Variants in SLC22A2 observed in about 807,000 individuals in gnomAD.
SLC22A2 encodes solute carrier family 22 member 2, also known as organic cation transporter 2.
In SLC22A2, 46 loss-of-function variants were observed where a neutral mutation model predicts 60.5. That is an observed-to-expected ratio of 0.76 (90% confidence interval 0.60 to 0.97). The LOEUF is 0.97. Ranked by LOEUF, SLC22A2 falls within the 50% of genes least tolerant of loss-of-function variation. SLC22A2 has a pLI of 0.00. For missense variants in SLC22A2, 701 were observed against 706.6 expected, an observed-to-expected ratio of 0.99 and a Z score of 0.09; for synonymous variants, 303 against 267.0, an observed-to-expected ratio of 1.13 and a Z score of -1.31.
At chr6:160,230,802 C>T (rs1370121348) in intron 9 of SLC22A2, among the ~76,000 whole-genome samples, 1 of 111,242 alleles carries the variant, frequency 9.0e-6, no homozygotes, top group East Asian at 2.8e-4. Context: ...CCAAGGAATG[C>T]CTGCAGCCTG....
chr6:160,238,170 TC>T (rs2114860561), intron 9 of SLC22A2, among the ~76,000 whole-genome samples: 1 of 152,338 alleles, frequency 6.6e-6, no homozygotes, highest in South Asian at 2.1e-4. Context: ...TTGTGTGAGA[TC>T]CAAGAACCCT....
rs192053234 is a variant in SLC22A2, at chr6:160,222,541, C to T, written c.1601+2164G>A. 4.6e-5 allele frequency among the ~76,000 whole-genome samples: 7 copies of T among 152,308 alleles called. No individual in the cohort carries two copies. In the East Asian group the frequency reaches 5.8e-4, roughly 13 times the overall value. On this transcript the variant is annotated intron_variant, in intron 10 of 10. Transcript: ENST00000366953. ...GTAAGCTCCTGCTCTGTGTATGCCA[C>T]GCACTGTGCTGAGTTCCAGTGATAC...
At chr6:160,238,621 A>G (rs1335834604) in intron 9 of SLC22A2, among the ~76,000 whole-genome samples, 1 of 152,184 alleles carries the variant, frequency 6.6e-6, no homozygotes, top group Admixed American at 6.5e-5. Flanking sequence ...CAATTAGCAC[A>G]CCATTATTGT....
In SLC22A2 at chr6:160,250,673, G is replaced by A; in HGVS notation, c.548C>T (p.Thr183Ile). The change falls in exon 3 of 11, where the codon ACA becomes ATA. Residue 183 changes from threonine to isoleucine, a missense_variant. Thr to Ile is a moderately conservative substitution (Grantham distance 89, BLOSUM62 -1). Coordinates refer to ENST00000366953, the MANE Select transcript of SLC22A2 (RefSeq NM_003058.4). ...RFGRKLCLLTTVLINAAAGVL... is the reference protein window; with the variant it reads ...RFGRKLCLLTIVLINAAAGVL... ...TCCAGCTGCAGCATTTATGAGGACT[G>A]TAGTTAGGAGGCAGAGCTTACGGCC... is the stretch of plus-strand genomic sequence containing the variant. 6.2e-7 allele frequency: 1 copy of A among 1,614,080 alleles called. No individual in the cohort carries two copies. The highest frequency in any genetic ancestry group is 8.5e-7 in the Non-Finnish European group (1 of 1,179,934).
At chr6:160,242,620 A>ACAT (rs1562435590) in intron 7 of SLC22A2, among the ~76,000 whole-genome samples, 1 of 151,452 alleles carries the variant, frequency 6.6e-6, no homozygotes, top group Non-Finnish European at 1.5e-5. Context: ...TAAAAAAGAT[A>ACAT]TTTTTTTTAG....
chr6:160,251,510 G>A (rs1009418537), intron 2 of SLC22A2, among the ~76,000 whole-genome samples: 1 of 152,100 alleles, frequency 6.6e-6, no homozygotes, highest in Non-Finnish European at 1.5e-5. Flanking sequence ...GCCTGCCTCC[G>A]ACCCCTTCCT....
Position 160,258,683 on chromosome 6 carries a change from G to A in SLC22A2, c.75C>T (p.Leu25=). The change falls in exon 1 of 11, where the codon CTC becomes CTT. Residue 25 remains leucine (L), a synonymous_variant. Coordinates refer to ENST00000366953, the MANE Select transcript of SLC22A2 (RefSeq NM_003058.4). ...CGAAGGTAGCCGAGAGCAGAGCCAA[G>A]AGGAAAAACATTTGCTTCTGGAAAA... ...FHFFQKQMFF[L]LALLSATFAP... is the part of the protein sequence containing the mutation. 6.2e-7 allele frequency: 1 copy of A among 1,609,678 alleles called. No individual in the cohort carries two copies. The highest frequency in any genetic ancestry group is 8.5e-7 in the Non-Finnish European group (1 of 1,177,662).
chr6:160,221,914 A>G (rs1251662283), intron 10 of SLC22A2, among the ~76,000 whole-genome samples: 2 of 152,276 alleles, frequency 1.3e-5, no homozygotes, highest in African/African-American at 2.4e-5. Context: ...AAAACATGCC[A>G]CAGTGACATG....
intron 10 of SLC22A2, among the ~76,000 whole-genome samples, chr6:160,223,779 G>A (rs1782679307): frequency 6.6e-6 from 1 of 152,176 alleles, no homozygotes; most frequent in African/African-American, 2.4e-5. Flanking sequence ...CCAGGCTGGA[G>A]TGCAGTGGCA....
intron 2 of SLC22A2, among the ~76,000 whole-genome samples, chr6:160,252,664 T>C (rs1268224340): frequency 1.3e-5 from 2 of 152,212 alleles, no homozygotes; most frequent in Non-Finnish European, 2.9e-5. Context: ...CTGAGGACTA[T>C]TAGCATGGGC....
Position 160,241,562 on chromosome 6 carries a change from G to A in SLC22A2, c.1413C>T (p.Ser471=). 6.2e-7 allele frequency: 1 copy of A among 1,612,950 alleles called. No homozygotes were observed. The highest frequency in any genetic ancestry group is 8.5e-7 in the Non-Finnish European group (1 of 1,179,008). ...FIRNLGVHIC[S]SMCDIGGIIT... ...TGATGCCACCAATGTCACACATTGAGGAACAGATGTGGACGCCAAGATTCC... is the reference window on the plus strand; with the variant it reads ...TGATGCCACCAATGTCACACATTGAAGAACAGATGTGGACGCCAAGATTCC... The change falls in exon 9 of 11, where the codon TCC becomes TCT. Residue 471 remains serine, a synonymous_variant. Transcript: ENST00000366953.
At chr6:160,232,406 C>T (rs1436302363) in intron 9 of SLC22A2, among the ~76,000 whole-genome samples, 1 of 151,908 alleles carries the variant, frequency 6.6e-6, no homozygotes, top group Non-Finnish European at 1.5e-5. Context: ...CCCCCACTAT[C>T]TCTCAGCAAG....
At chr6:160,251,646 A>T (rs1465789303) in intron 2 of SLC22A2, among the ~76,000 whole-genome samples, 1 of 152,164 alleles carries the variant, frequency 6.6e-6, no homozygotes, top group Non-Finnish European at 1.5e-5. Flanking sequence ...GTGGATATTT[A>T]AAAAAATTCT....
Position 160,249,342 on chromosome 6 carries a change from A to T in SLC22A2, c.716T>A (p.Ile239Asn), listed in dbSNP as rs755405568. 1.2e-6 allele frequency: 2 copies of T among 1,613,740 alleles called. No homozygotes were observed. Among genetic ancestry groups the T allele is most frequent in the Admixed American group, 3.3e-5 (2 of 59,922 alleles). The change falls in exon 4 of 11, where the codon ATT (isoleucine) becomes AAT (asparagine). Residue 239 changes from isoleucine (I) to asparagine (N), a missense_variant. Physicochemically the swap from Ile to Asn is moderately radical, Grantham distance 149. Transcript: ENST00000366953. ...VGRRYRRTVG[I>N]FYQVAYTVGL... ...AACTGTATAGGCAACTTGGTAAAAA[A>T]TCCCCACTGTTCTCCGATATCTCCG...
chr6:160,243,511 C>G, intron 7 of SLC22A2, 61 bp downstream of exon 7: 1 of 1,190,636 alleles, frequency 8.4e-7, no homozygotes, highest in Non-Finnish European at 1.3e-6. Context: ...TATCAATGGG[C>G]CGTGACACTC....
intron 5 of SLC22A2, among the ~76,000 whole-genome samples, chr6:160,246,739 T>TC (rs1022311119): frequency 1.3e-5 from 2 of 152,140 alleles, no homozygotes; most frequent in African/African-American, 2.4e-5. Flanking sequence ...AGAGTAAGAC[T>TC]CCATCTCAAA....
In SLC22A2 at chr6:160,226,854, G is replaced by C. The variant is rs141934551; in HGVS notation, c.1502-2050C>G. ...TTCCCATTCAAGCCCTGATGGAAAG[G>C]GGTGGGGGTCAGACATATCTCATTA... On this transcript the variant is annotated intron_variant, in intron 9 of 10. Coordinates refer to ENST00000366953, the MANE Select transcript of SLC22A2 (RefSeq NM_003058.4). Among the ~76,000 whole-genome samples, 1,061 of 152,110 alleles carry C rather than the reference G, an allele frequency of 7.0e-3. 12 individuals carry two copies. Among genetic ancestry groups the C allele is most frequent in the African/African-American group, 0.025 (1,022 of 41,494 alleles).
intron 9 of SLC22A2, 137 bp from the exon 10 acceptor site, chr6:160,224,941 AC>A: frequency 2.1e-6 from 1 of 471,594 alleles, no homozygotes; most frequent in African/African-American, 2.0e-5. Context: ...GCCATCTCTG[AC>A]TGCTGTATTT....
At position 160,245,630 on chromosome 6, in the gene SLC22A2, C is replaced by T. The variant is rs969764584; in HGVS notation, c.958-85G>A. 8.7e-6 allele frequency: 6 copies of T among 691,524 alleles called. No individual in the cohort carries two copies. In the East Asian group the frequency reaches 8.9e-5, roughly 10 times the overall value. The allele number at this position is 691,524 out of a possible 1,614,324, so 42.8% of individuals were successfully genotyped here. ...ATAGGGAATAACAATAATTTCTTAC[C>T]GTCCTGAGCGCCCATCTCATGCCCA... is the stretch of plus-strand genomic sequence containing the variant. On this transcript the variant is annotated intron_variant, in intron 5 of 10. Coordinates refer to ENST00000366953, the MANE Select transcript of SLC22A2 (RefSeq NM_003058.4).
Sources: allele counts gnomAD v4.1 joint callset (sites outside exome capture counted in the v4.1 genomes callset), GRCh38; gene constraint gnomAD v4.1.1; transcripts MANE v1.5; gene names NCBI Gene and HGNC (gene_info 2026-07-23, HGNC 2026-07-21).